The following SAFB2 variants were observed in gnomAD, a reference collection of about 807,000 sequenced individuals.
SAFB2 encodes scaffold attachment factor B2.
A neutral mutation model predicts 100.6 loss-of-function variants in SAFB2; 32 were observed. That is an observed-to-expected ratio of 0.32 (90% CI 0.24 to 0.43). The LOEUF (loss-of-function observed/expected upper bound fraction) is 0.43, where lower values mean the gene tolerates loss of function less well. SAFB2 is among the 20% of genes least tolerant of loss of function. SAFB2 has a pLI of 1.00. For missense variants in SAFB2, 1,185 were observed against 1,163.4 expected (o/e 1.02, Z -0.27); for synonymous variants, 500 against 439.4 (o/e 1.14, Z -1.72).
intron 9 of SAFB2, among the ~76,000 whole-genome samples, chr19:5,607,453 C>T (rs967904104): frequency 3.3e-5 from 5 of 152,148 alleles, no homozygotes; most frequent in Non-Finnish European, 4.4e-5. Context: ...TCTTGCACTA[C>T]GCTGAAACCA....
In SAFB2 at chr19:5,592,828, G is replaced by A. The variant is rs767956745; in HGVS notation, c.2267C>T (p.Ala756Val). The change falls in exon 16 of 21, where the codon GCA becomes GTA. Residue 756 changes from alanine to valine, a missense_variant. This residue lies in a region of SAFB2 where 740 missense variants were observed against 687.1 expected (regional missense o/e 1.08). Coordinates refer to ENST00000252542, the MANE Select transcript of SAFB2 (RefSeq NM_014649.3). The part of the protein sequence containing the change: ...KRVAMEDRYR[A>V]DFPRPDHRFH... ...GCGGTGGTCTGGCCGGGGAAAGTCT[G>A]CACGATATCGGTCCTCCATTGCCAC... 21 of 1,614,042 alleles carry A rather than the reference G, an allele frequency of 1.3e-5. No homozygotes were observed. The highest frequency in any genetic ancestry group is 1.7e-5 in the Admixed American group (1 of 60,002).
chr19:5,590,225 T>C, intron 18 of SAFB2, 53 bp downstream of exon 18: 5 of 985,186 alleles, frequency 5.1e-6, no homozygotes, highest in Non-Finnish European at 6.9e-6. Context: ...GGCACCAACC[T>C]TTTCCCAGGT....
At position 5,590,330 on chromosome 19, in the gene SAFB2, A is replaced by G; in HGVS notation, c.2473T>C (p.Tyr825His). ...GRDSRDGWGG[Y>H]GSDKRLSEGR... ...TCACTCAGCCTCTTGTCGGAGCCGTAGCCCCCCCAGCCATCACGGGAGTCC... is the reference window on the plus strand; with the variant it reads ...TCACTCAGCCTCTTGTCGGAGCCGTGGCCCCCCCAGCCATCACGGGAGTCC... The change falls in exon 18 of 21, where the codon TAC (tyrosine) becomes CAC (histidine). Residue 825 changes from tyrosine (Y) to histidine (H), a missense_variant. Around this residue, in one of 3 missense-constraint regions of SAFB2, gnomAD observed 740 missense variants for 687.1 expected, o/e 1.08. Coordinates refer to ENST00000252542, the MANE Select transcript of SAFB2 (RefSeq NM_014649.3). 6.2e-7 allele frequency: 1 copy of G among 1,609,366 alleles called. No homozygotes were observed. Among genetic ancestry groups the G allele is most frequent in the Non-Finnish European group, 8.5e-7 (1 of 1,178,568 alleles).
Position 5,587,269 on chromosome 19 carries a change from A to G in SAFB2, c.2836T>C (p.Tyr946His), listed in dbSNP as rs2052272925. 2 of 1,605,942 alleles carry G rather than the reference A, an allele frequency of 1.2e-6. No individual in the cohort carries two copies. The highest frequency in any genetic ancestry group is 1.7e-5 in the Admixed American group (1 of 59,614). Residue 946 changes from tyrosine to histidine, a missense_variant, in exon 21 of 21, where the codon TAC becomes CAC. Physicochemically the swap from Tyr to His is moderately conservative, Grantham distance 83. Transcript: ENST00000252542. The surrounding 1 kb of genome is among the most constrained non-coding windows in gnomAD (Gnocchi z 4.9). ...VPHPHPHPPP[Y>H]PHFTRRY ...TAGTAGCGGCGGGTGAAGTGGGGGT[A>G]CGGGGGGGGATGAGGGTGTGGGTGA...
At chr19:5,620,779 G>A (rs1409683280) in intron 2 of SAFB2, among the ~76,000 whole-genome samples, 2 of 152,192 alleles carry the variant, frequency 1.3e-5, no homozygotes, top group African/African-American at 2.4e-5. Context: ...TATACACTAG[G>A]AAGCACTGAA....
intron 9 of SAFB2, among the ~76,000 whole-genome samples, chr19:5,605,191 G>A (rs781529836): frequency 2.0e-5 from 3 of 150,834 alleles, no homozygotes; most frequent in South Asian, 2.1e-4. Flanking sequence ...CGCGACCTCC[G>A]CCTCCTGGGT....
intron 16 of SAFB2, among the ~76,000 whole-genome samples, chr19:5,592,064 C>G (rs2052420119): frequency 6.6e-6 from 1 of 152,156 alleles, no homozygotes; most frequent in Admixed American, 6.5e-5. Context: ...CAAACAGAGG[C>G]CTCCAATGAT....
chr19:5,615,957 T>G (rs2145358601), intron 4 of SAFB2, 175 bp downstream of exon 4: 1 of 611,294 alleles, frequency 1.6e-6, no homozygotes. Context: ...AAGCTATCTA[T>G]GAGTAAATCC....
chr19:5,609,896 C>T (rs954546710), intron 9 of SAFB2, 99 bp downstream of exon 9: 5 of 1,068,644 alleles, frequency 4.7e-6, no homozygotes, highest in African/African-American at 1.6e-5. Flanking sequence ...CCTCAGCCTC[C>T]CAAACTGCTG....
chr19:5,615,978 C>G (rs2053019328), intron 4 of SAFB2, 154 bp downstream of exon 4: 2 of 654,396 alleles, frequency 3.1e-6, no homozygotes, highest in Non-Finnish European at 5.3e-6. Context: ...CTGAGCTACA[C>G]AGCGTTTAAA....
chr19:5,602,403 C>T (rs1234496726), intron 11 of SAFB2, among the ~76,000 whole-genome samples: 2 of 147,406 alleles, frequency 1.4e-5, no homozygotes. Flanking sequence ...TGGCGTGAAC[C>T]CGGGAGGCGG....
At chr19:5,622,449 G>A (rs1376340978) in intron 1 of SAFB2, 81 bp downstream of exon 1, 16 of 1,379,796 alleles carry the variant, frequency 1.2e-5, no homozygotes, top group African/African-American at 1.5e-5. Context: ...GGGCGCCCCG[G>A]GTCCGGGAGC....
rs181635185 is a variant in SAFB2, at chr19:5,616,949, C to T, written c.275-463G>A. On this transcript the variant is annotated intron_variant, in intron 2 of 20. Transcript: ENST00000252542. ...ACAGGCATGAGCCATGGTGCCCGGC[C>T]TCAATTGGTGTTCTAAGTAAGCCAT... Among the ~76,000 whole-genome samples, 81 of 152,240 alleles carry T rather than the reference C, an allele frequency of 5.3e-4. No homozygotes were observed. The East Asian group carries it at 0.011, about 20-fold the overall frequency.
chr19:5,588,457 G>A (rs757136971), intron 18 of SAFB2, among the ~76,000 whole-genome samples: 2 of 152,204 alleles, frequency 1.3e-5, no homozygotes, highest in Non-Finnish European at 2.9e-5. Flanking sequence ...CCTAGCGGCA[G>A]GATTCCTAAC....
At chr19:5,612,494 T>C in intron 6 of SAFB2, 46 bp downstream of exon 6, 4 of 1,543,898 alleles carry the variant, frequency 2.6e-6, no homozygotes, top group African/African-American at 1.4e-5. Flanking sequence ...AAAATAATAG[T>C]GTGAAAACTT....
At chr19:5,599,156 C>T (rs1324694205) in intron 12 of SAFB2, among the ~76,000 whole-genome samples, 3 of 152,164 alleles carry the variant, frequency 2.0e-5, no homozygotes, top group Admixed American at 6.5e-5. Context: ...CAAGCACGGC[C>T]ATCCTGCAGA....
At chr19:5,594,359 A>T (rs906176550) in intron 14 of SAFB2, among the ~76,000 whole-genome samples, 181 bp from the exon 15 acceptor site, 10 of 152,246 alleles carry the variant, frequency 6.6e-5, no homozygotes, top group Non-Finnish European at 1.0e-4. Context: ...CCTTAAGAAA[A>T]GCAAAGGCAG....
Position 5,592,843 on chromosome 19 carries a change from T to G in SAFB2, c.2252A>C (p.Glu751Ala). ...GGGAAAGTCTGCACGATATCGGTCC[T>G]CCATTGCCACACGCTTTCCTTCTGG... The part of the protein sequence containing the change: ...YWPEGKRVAM[E>A]DRYRADFPRP... Residue 751 changes from glutamate (E) to alanine (A), a missense_variant, in exon 16 of 21, where the codon GAG (glutamate) becomes GCG (alanine). Transcript: ENST00000252542. 6.2e-7 allele frequency: 1 copy of G among 1,614,154 alleles called. No individual in the cohort carries two copies. Among genetic ancestry groups the G allele is most frequent in the South Asian group, 1.1e-5 (1 of 91,078 alleles).
chr19:5,601,989 TG>T (rs1396379961), intron 11 of SAFB2, among the ~76,000 whole-genome samples: 2 of 152,196 alleles, frequency 1.3e-5, no homozygotes, highest in Non-Finnish European at 2.9e-5. Flanking sequence ...TCATCCAAGA[TG>T]GCAAAGGCTA....
Sources: allele counts gnomAD v4.1 joint callset (sites outside exome capture counted in the v4.1 genomes callset), GRCh38; gene constraint gnomAD v4.1.1; regional missense constraint gnomAD v4.1.1; non-coding constraint Gnocchi (gnomAD v3.1); transcripts MANE v1.5; gene names NCBI Gene and HGNC (gene_info 2026-07-23, HGNC 2026-07-21).